PARG: variants seen among roughly 807,000 people sequenced by gnomAD.
The protein encoded by PARG is poly(ADP-ribose) glycohydrolase.
In PARG, 35 loss-of-function variants were observed where a neutral mutation model predicts 113.0. That is an observed-to-expected ratio of 0.31 (90% CI 0.24 to 0.41). The LOEUF (loss-of-function observed/expected upper bound fraction) is 0.41. Among genes scored for constraint, PARG ranks in the 10% least tolerant of loss-of-function variants. The pLI, the probability that PARG is intolerant of heterozygous loss-of-function variation, is 1.00. For synonymous variants in PARG, 330 were observed against 409.9 expected (o/e 0.81, Z 2.36); for missense variants, 797 against 1,169.4 (o/e 0.68, Z 4.64).
intron 16 of PARG, among the ~76,000 whole-genome samples, chr10:49,830,652 T>C (rs1844611639): frequency 6.6e-6 from 1 of 152,054 alleles, no homozygotes; most frequent in Admixed American, 6.6e-5. Flanking sequence ...GAAAAAGCAA[T>C]TCACAAAACA....
At chr10:49,905,971 T>A (rs2132777906) in intron 7 of PARG, among the ~76,000 whole-genome samples, 1 of 150,172 alleles carries the variant, frequency 6.7e-6, no homozygotes, top group East Asian at 1.9e-4. Flanking sequence ...GAATATCAAC[T>A]GAACCGAAGT....
chr10:49,927,095 T>G (rs1838207624), intron 4 of PARG, among the ~76,000 whole-genome samples: 1 of 151,830 alleles, frequency 6.6e-6, no homozygotes, highest in Non-Finnish European at 1.5e-5. Flanking sequence ...GATCACAAGG[T>G]TAAGAGATCA....
intron 13 of PARG, among the ~76,000 whole-genome samples, chr10:49,854,379 T>G (rs1845890926): frequency 4.6e-5 from 7 of 152,334 alleles, no homozygotes; most frequent in Admixed American, 4.6e-4. Context: ...TTACAGGGAT[T>G]GTTTAACACT....
chr10:49,927,366 G>GAAGGA (rs1838238898), intron 4 of PARG, among the ~76,000 whole-genome samples: 1 of 121,058 alleles, frequency 8.3e-6, no homozygotes, highest in Non-Finnish European at 1.7e-5. Flanking sequence ...AAGAAGGAAA[G>GAAGGA]AAGGAAAGAA....
chr10:49,914,628 C>A (rs1284677602), intron 7 of PARG, among the ~76,000 whole-genome samples: 1 of 152,018 alleles, frequency 6.6e-6, no homozygotes, highest in East Asian at 1.9e-4. Context: ...GCAAAGAATC[C>A]AAAAATAGCC....
chr10:49,906,433 C>A (rs1394410104), intron 7 of PARG, among the ~76,000 whole-genome samples: 4 of 152,092 alleles, frequency 2.6e-5, no homozygotes, highest in Admixed American at 2.6e-4. Context: ...GATGAATCTT[C>A]CCCTTTCCCT....
At chr10:49,836,127 A>G (rs1179396701) in intron 15 of PARG, among the ~76,000 whole-genome samples, 1 of 152,106 alleles carries the variant, frequency 6.6e-6, no homozygotes, top group Non-Finnish European at 1.5e-5. Flanking sequence ...GATTTTACTT[A>G]AAAGATGTCT....
intron 13 of PARG, among the ~76,000 whole-genome samples, chr10:49,847,589 T>C (rs1362219959): frequency 6.6e-6 from 1 of 151,762 alleles, no homozygotes; most frequent in African/African-American, 2.4e-5. Flanking sequence ...AAGGAAAAGC[T>C]GAGAAATGGT....
At chr10:49,903,022 T>TC (rs1427541556) in intron 7 of PARG, among the ~76,000 whole-genome samples, 1 of 151,938 alleles carries the variant, frequency 6.6e-6, no homozygotes, top group African/African-American at 2.4e-5. Context: ...AGACAGGGTT[T>TC]CACCATGTTC....
At chr10:49,910,528 A>C (rs1837116992) in intron 7 of PARG, among the ~76,000 whole-genome samples, 1 of 152,022 alleles carries the variant, frequency 6.6e-6, no homozygotes, top group Non-Finnish European at 1.5e-5. Context: ...AAGCAAAACC[A>C]AAACCACTTC....
chr10:49,846,799 A>T (rs1362457919), intron 13 of PARG, among the ~76,000 whole-genome samples: 1 of 152,030 alleles, frequency 6.6e-6, no homozygotes, highest in Non-Finnish European at 1.5e-5. Flanking sequence ...TCTAGTTCAA[A>T]TCTTGGCTTC....
chr10:49,913,476 A>G (rs1307041844), intron 7 of PARG, among the ~76,000 whole-genome samples: 3 of 152,250 alleles, frequency 2.0e-5, no homozygotes, highest in Non-Finnish European at 4.4e-5. Context: ...TAAATTTTAA[A>G]CATACATTTA....
At chr10:49,822,599 T>C (rs1366654426) in intron 16 of PARG, among the ~76,000 whole-genome samples, 2 of 152,162 alleles carry the variant, frequency 1.3e-5, no homozygotes, top group Non-Finnish European at 2.9e-5. Flanking sequence ...GCAACCACTG[T>C]GGTAAAGGTC....
At chr10:49,860,891 A>C (rs1402925809) in intron 12 of PARG, among the ~76,000 whole-genome samples, 11 of 152,208 alleles carry the variant, frequency 7.2e-5, no homozygotes, top group Non-Finnish European at 1.3e-4. Context: ...GTGAATGTTA[A>C]AGAAGCATTA....
intron 7 of PARG, among the ~76,000 whole-genome samples, chr10:49,897,797 C>T (rs1206566838): frequency 6.6e-6 from 1 of 152,114 alleles, no homozygotes; most frequent in Admixed American, 6.5e-5. Context: ...CACTTGAGGT[C>T]AAGAGTTCAA....
intron 16 of PARG, among the ~76,000 whole-genome samples, chr10:49,821,211 A>G (rs1162196541): frequency 1.3e-5 from 2 of 152,228 alleles, no homozygotes; most frequent in Admixed American, 1.3e-4. Context: ...AAAGTTACAA[A>G]TCACTGAGCC....
At chr10:49,838,536 T>C (rs1459084946) in intron 15 of PARG, among the ~76,000 whole-genome samples, 3 of 151,318 alleles carry the variant, frequency 2.0e-5, no homozygotes. Context: ...TGCGACAAAT[T>C]ACTCAACTTC....
At chr10:49,915,505 T>A (rs1184860047) in intron 7 of PARG, among the ~76,000 whole-genome samples, 1 of 152,134 alleles carries the variant, frequency 6.6e-6, no homozygotes, top group Non-Finnish European at 1.5e-5. Flanking sequence ...TTTGACTTAG[T>A]CATCTAATTT....
chr10:49,910,791 T>C (rs1837131881), intron 7 of PARG, among the ~76,000 whole-genome samples: 2 of 152,138 alleles, frequency 1.3e-5, no homozygotes, highest in South Asian at 4.1e-4. Flanking sequence ...AAAAAGTACA[T>C]AAAAATATAT....
Sources: allele counts gnomAD v4.1 joint callset (sites outside exome capture counted in the v4.1 genomes callset), GRCh38; gene constraint gnomAD v4.1.1; transcripts MANE v1.5; gene names NCBI Gene and HGNC (gene_info 2026-07-23, HGNC 2026-07-21).